The following FSTL4 variants were observed in gnomAD, a reference collection of about 807,000 sequenced individuals.
FSTL4 encodes follistatin-related protein 4.
FSTL4 carries 28 observed loss-of-function variants against 78.2 expected under a neutral mutation model. The ratio of observed to expected loss-of-function variants is 0.36; its 90% confidence interval spans 0.27 to 0.49. The LOEUF (loss-of-function observed/expected upper bound fraction) is 0.49, where lower values mean the gene tolerates loss of function less well. Among genes scored for constraint, FSTL4 ranks in the 20% least tolerant of loss-of-function variants. The pLI is 0.98. For synonymous variants in FSTL4, 422 were observed against 440.5 expected (o/e 0.96, Z 0.53); for missense variants, 922 against 1,084.9 (o/e 0.85, Z 2.11).
chr5:133,718,840 C>A, the FSTL4 span, among the ~76,000 whole-genome samples: 13 of 152,150 alleles, frequency 8.5e-5, no homozygotes, highest in Non-Finnish European at 1.8e-4. Flanking sequence ...TGTATTACTG[C>A]CATTGAAACC....
At chr5:133,840,089 A>G in the FSTL4 span, among the ~76,000 whole-genome samples, 11 of 152,310 alleles carry the variant, frequency 7.2e-5, no homozygotes, top group African/African-American at 2.4e-4. Flanking sequence ...TACCCTTCAC[A>G]TTACAGAGTC....
chr5:133,742,733 G>A, the FSTL4 span, among the ~76,000 whole-genome samples: 12 of 152,284 alleles, frequency 7.9e-5, no homozygotes, highest in African/African-American at 2.6e-4. Flanking sequence ...GGAGGCTGAG[G>A]AGGTGTGAGG....
chr5:133,393,213 G>T (rs569966270), intron 4 of FSTL4, among the ~76,000 whole-genome samples: 1 of 152,284 alleles, frequency 6.6e-6, no homozygotes, highest in African/African-American at 2.4e-5. Context: ...GTGAGGAGAG[G>T]GTATCCAACA....
the FSTL4 span, among the ~76,000 whole-genome samples, chr5:133,796,041 A>G: frequency 6.6e-6 from 1 of 152,046 alleles, no homozygotes; most frequent in East Asian, 1.9e-4. Context: ...TGCTCTTCTT[A>G]CCAGCCCCCC....
intron 3 of FSTL4, among the ~76,000 whole-genome samples, chr5:133,478,949 T>C (rs1278135041): frequency 6.6e-6 from 1 of 152,156 alleles, no homozygotes; most frequent in African/African-American, 2.4e-5. Flanking sequence ...AAAAATGATT[T>C]CTCACCTCTC....
At chr5:133,651,659 G>A in the FSTL4 span, among the ~76,000 whole-genome samples, 9 of 151,258 alleles carry the variant, frequency 6.0e-5, no homozygotes, top group Admixed American at 1.3e-4. Flanking sequence ...TTTTTGAGGC[G>A]GAGTCTTGCT....
At chr5:133,424,811 G>C (rs1416949080) in intron 3 of FSTL4, among the ~76,000 whole-genome samples, 1 of 152,198 alleles carries the variant, frequency 6.6e-6, no homozygotes, top group Non-Finnish European at 1.5e-5. Flanking sequence ...CTCCCATCTG[G>C]AAAATGGGAG....
rs560124091 is a variant in FSTL4 at position 133,504,586 on chromosome 5, G to A, written c.160+62600C>T. 9.3e-4 allele frequency among the ~76,000 whole-genome samples: 141 copies of A among 152,184 alleles called. 1 individual carries two copies. Among genetic ancestry groups the A allele is most frequent in the African/African-American group, 3.3e-3 (135 of 41,530 alleles). ...AGGATCAACTCAACATTCTTCACTG[G>A]GACTCTGAGCGACCTAGTCACTGCC... is the stretch of plus-strand genomic sequence containing the variant. On this transcript the variant is annotated intron_variant, in intron 3 of 15. Coordinates refer to ENST00000265342, the MANE Select transcript of FSTL4 (RefSeq NM_015082.2).
At chr5:133,600,313 G>T (rs901886399) in intron 2 of FSTL4, among the ~76,000 whole-genome samples, 3 of 151,998 alleles carry the variant, frequency 2.0e-5, no homozygotes, top group Non-Finnish European at 4.4e-5. Flanking sequence ...ACGATGTTTG[G>T]TAGGATAGGT....
chr5:133,221,913 T>TTTTTTTTTTTTTTTTTTTTTTTTTTG lies in FSTL4; in HGVS notation c.1340-1048_1340-1047insCAAAAAAAAAAAAAAAAAAAAAAAAA, dbSNP rs1751140299. Among the ~76,000 whole-genome samples, 8 of 97,838 alleles carry TTTTTTTTTTTTTTTTTTTTTTTTTTG rather than the reference T, an allele frequency of 8.2e-5. 1 individual carries two copies. The highest frequency in any genetic ancestry group is 1.4e-4 in the Non-Finnish European group (7 of 51,378). 64.2% of individuals were successfully genotyped at this position (97,838 alleles called of 152,430 possible). ...CTAGTTTTTTTTTTTTTTTTTTTTTTTTTTTTTTTTTTTTAGCATGCTGAG... is the reference window on the plus strand; with the variant it reads ...CTAGTTTTTTTTTTTTTTTTTTTTTTTTTTTTTTTTTTTTTTTTTTTTTTTGTTTTTTTTTTTTTTAGCATGCTGAG... On this transcript the variant is annotated intron_variant, in intron 11 of 15. Transcript: ENST00000265342.
chr5:133,224,761 C>T (rs917094962), intron 10 of FSTL4, among the ~76,000 whole-genome samples: 3 of 152,210 alleles, frequency 2.0e-5, no homozygotes, highest in African/African-American at 4.8e-5. Context: ...GTAAAGGCTA[C>T]CACACTCCCA....
chr5:133,363,769 C>T (rs928901926), intron 4 of FSTL4, among the ~76,000 whole-genome samples: 4 of 152,078 alleles, frequency 2.6e-5, no homozygotes, highest in Middle Eastern at 3.2e-3. Context: ...CTACCTTGGT[C>T]GAGCTGCAAT....
the FSTL4 span, among the ~76,000 whole-genome samples, chr5:133,620,156 G>A: frequency 6.6e-6 from 1 of 152,120 alleles, no homozygotes; most frequent in Admixed American, 6.5e-5. Context: ...TCAAGTGTAG[G>A]CAAAAAACTG....
the FSTL4 span, among the ~76,000 whole-genome samples, chr5:133,769,741 G>GAT: frequency 2.1e-4 from 32 of 152,194 alleles, 1 homozygote; most frequent in South Asian, 4.1e-4. Flanking sequence ...TACAAGTACA[G>GAT]ATTTTTTATA....
At chr5:133,245,683 T>C (rs186881828) in intron 7 of FSTL4, among the ~76,000 whole-genome samples, 1 of 152,206 alleles carries the variant, frequency 6.6e-6, no homozygotes, top group Non-Finnish European at 1.5e-5. Context: ...AGCAAGTGAG[T>C]CAACCCAAAT....
intron 4 of FSTL4, among the ~76,000 whole-genome samples, chr5:133,343,777 T>C (rs988148118): frequency 6.6e-6 from 1 of 152,220 alleles, no homozygotes; most frequent in Non-Finnish European, 1.5e-5. Flanking sequence ...TTGAATTCAA[T>C]TGCTAGATTT....
At chr5:133,769,639 G>A in the FSTL4 span, among the ~76,000 whole-genome samples, 1 of 152,086 alleles carries the variant, frequency 6.6e-6, no homozygotes, top group East Asian at 1.9e-4. Flanking sequence ...TGGTAGCAAG[G>A]GTTCACCTTC....
the FSTL4 span, among the ~76,000 whole-genome samples, chr5:133,645,181 C>G: frequency 5.9e-5 from 9 of 152,302 alleles, no homozygotes; most frequent in African/African-American, 2.2e-4. Flanking sequence ...ATCTGCCATT[C>G]TTTTGCTTCA....
chr5:133,499,255 T>C (rs1758436933), intron 3 of FSTL4, among the ~76,000 whole-genome samples: 1 of 152,016 alleles, frequency 6.6e-6, no homozygotes, highest in African/African-American at 2.4e-5. Flanking sequence ...AGCTCAAATC[T>C]CTGGAGGGAT....
Sources: gnomAD v4.1 joint callset for allele counts (sites outside exome capture counted in the v4.1 genomes callset) on GRCh38, gnomAD v4.1.1 for gene constraint, MANE v1.5 for transcripts, NCBI Gene and HGNC (gene_info 2026-07-23, HGNC 2026-07-21) for gene names.